Variants in ANKRD36 observed in about 807,000 individuals in gnomAD.
ANKRD36 encodes the protein ankyrin repeat domain 36.
ANKRD36 carries 179 observed loss-of-function variants against 278.1 expected under a neutral mutation model. That is an observed-to-expected ratio of 0.64 (90% CI 0.57 to 0.73). The LOEUF (loss-of-function observed/expected upper bound fraction) is 0.73. Ranked by LOEUF, ANKRD36 falls within the 30% of genes least tolerant of loss-of-function variation. The pLI is 0.00. For synonymous variants in ANKRD36, 320 were observed against 641.1 expected, an observed-to-expected ratio of 0.50 and a Z score of 7.57; for missense variants, 1,159 against 1,956.7, an observed-to-expected ratio of 0.59 and a Z score of 7.69.
intron 24 of ANKRD36, among the ~76,000 whole-genome samples, chr2:97,181,232 A>C (rs2056114454): frequency 6.6e-6 from 1 of 151,678 alleles, no homozygotes; most frequent in Non-Finnish European, 1.5e-5. Flanking sequence ...GATTTCTTGC[A>C]AGAAAGACAT....
intron 67 of ANKRD36, among the ~76,000 whole-genome samples, chr2:97,225,463 T>A (rs1434794414): frequency 6.6e-6 from 1 of 152,046 alleles, no homozygotes; most frequent in Non-Finnish European, 1.5e-5. Flanking sequence ...CTGCCTAATG[T>A]ATTTCAATAT....
intron 22 of ANKRD36, among the ~76,000 whole-genome samples, chr2:97,168,405 AC>A (rs201609756): frequency 4.2e-3 from 635 of 152,090 alleles, no homozygotes; most frequent in African/African-American, 0.014. Flanking sequence ...AGTCTTTGAT[AC>A]TACTACAATT....
At chr2:97,202,821 T>C (rs1488052473) in intron 48 of ANKRD36, among the ~76,000 whole-genome samples, 1 of 151,830 alleles carries the variant, frequency 6.6e-6, no homozygotes, top group East Asian at 1.9e-4. Context: ...AGACCCTTGT[T>C]GTAGCAATCA....
intron 11 of ANKRD36, among the ~76,000 whole-genome samples, chr2:97,147,625 A>C (rs538302506): frequency 6.7e-6 from 1 of 149,090 alleles, no homozygotes; most frequent in African/African-American, 2.5e-5. Flanking sequence ...CTTCTTTTAC[A>C]TCATTCTGTC....
At position 97,152,566 on chromosome 2, in the gene ANKRD36, G is replaced by A. The variant is rs1221167960; in HGVS notation, c.1193+32G>A. On this transcript the variant is annotated intron_variant, in intron 14 of 75. Coordinates refer to ENST00000420699, the MANE Select transcript of ANKRD36 (RefSeq NM_001354587.1). ...TTTCAGAGATTTTTTAAAGTGATAT[G>A]TTAACTAAGTGAATAGAGAGAAGAG... 36 of 1,452,238 alleles carry A rather than the reference G, an allele frequency of 2.5e-5. 2 individuals are homozygous for A. Among genetic ancestry groups the A allele is most frequent in the Non-Finnish European group, 3.4e-5 (36 of 1,074,502 alleles). 90.0% of individuals were successfully genotyped at this position (1,452,238 alleles called of 1,614,324 possible).
intron 6 of ANKRD36, among the ~76,000 whole-genome samples, chr2:97,131,898 G>A (rs901861693): frequency 6.6e-6 from 1 of 151,576 alleles, no homozygotes. Flanking sequence ...GCACGATCTC[G>A]GCTCACTGCA....
chr2:97,211,452 T>A (rs2153629105), intron 56 of ANKRD36, 94 bp from the exon 57 acceptor site: 3 of 1,539,534 alleles, frequency 1.9e-6, no homozygotes, highest in Non-Finnish European at 1.8e-6. Flanking sequence ...TAATACAGGC[T>A]GGGGGACAGA....
At chr2:97,198,742 G>C in intron 44 of ANKRD36, 84 bp downstream of exon 44, 5 of 1,350,508 alleles carry the variant, frequency 3.7e-6, no homozygotes, top group Middle Eastern at 5.3e-4. Context: ...CGGGGGGCTC[G>C]TTGAAGCTGC....
intron 58 of ANKRD36, 64 bp downstream of exon 58, chr2:97,211,805 A>G: frequency 6.7e-7 from 1 of 1,492,964 alleles, no homozygotes; most frequent in Non-Finnish European, 9.1e-7. Context: ...CTCTTCACCA[A>G]ATAAAACAGC....
chr2:97,206,066 A>G lies in ANKRD36; in HGVS notation c.3094A>G (p.Thr1032Ala), dbSNP rs1424046247. 9 of 1,550,882 alleles carry G rather than the reference A, an allele frequency of 5.8e-6. No individual in the cohort carries two copies. Among genetic ancestry groups the G allele is most frequent in the East Asian group, 2.4e-5 (1 of 41,572 alleles). ...SSQKPPTLKA[T>A]SDEEDSVLSI... ...TTTTGTTTCAAATTCCATTCAGGCT[A>G]CAAGTGATGAGGAAGATTCTGTTTT... The change falls in exon 52 of 76, where the codon ACA (threonine) becomes GCA (alanine). Residue 1032 changes from threonine (T) to alanine (A), a missense_variant. Coordinates refer to ENST00000420699, the MANE Select transcript of ANKRD36 (RefSeq NM_001354587.1).
chr2:97,181,121 G>A (rs1381266927), intron 24 of ANKRD36, among the ~76,000 whole-genome samples: 1 of 151,656 alleles, frequency 6.6e-6, no homozygotes, highest in African/African-American at 2.4e-5. Context: ...GATGTGAAGA[G>A]AACATTTAAC....
chr2:97,219,856 A>G (rs1367202825), intron 66 of ANKRD36, among the ~76,000 whole-genome samples: 1 of 144,958 alleles, frequency 6.9e-6, no homozygotes, highest in African/African-American at 2.7e-5. Context: ...TGGAATTTCA[A>G]TAGTTTTTAG....
intron 18 of ANKRD36, among the ~76,000 whole-genome samples, chr2:97,163,039 G>A (rs1230093472): frequency 1.3e-5 from 2 of 151,676 alleles, no homozygotes; most frequent in Non-Finnish European, 1.5e-5. Context: ...AGGCTGAGGC[G>A]GGAGGATCAT....
At chr2:97,173,751 G>C (rs199874304) in intron 22 of ANKRD36, among the ~76,000 whole-genome samples, 2 of 151,688 alleles carry the variant, frequency 1.3e-5, no homozygotes, top group African/African-American at 2.4e-5. Context: ...GTGGGAAGTC[G>C]CTTAATGGAA....
Position 97,196,718 on chromosome 2 carries a change from T to A in ANKRD36, c.2583T>A (p.Gly861=). 3 of 1,564,118 alleles carry A rather than the reference T, an allele frequency of 1.9e-6. No homozygotes were observed. Among genetic ancestry groups the A allele is most frequent in the Non-Finnish European group, 2.6e-6 (3 of 1,157,836 alleles). ...ATTTCGTTTCAAATTCCATTCAGGG[T>A]ACAAGTGACGAGGAAGATTCTGTTT... ...VSSQKPPTLK[G]TSDEEDSVLG... The change falls in exon 42 of 76, where the codon GGT becomes GGA. Residue 861 remains glycine (G), a splice_region_variant and synonymous_variant. Coordinates refer to ENST00000420699, the MANE Select transcript of ANKRD36 (RefSeq NM_001354587.1).
intron 22 of ANKRD36, among the ~76,000 whole-genome samples, chr2:97,173,704 T>C (rs1393054781): frequency 6.6e-6 from 1 of 151,624 alleles, no homozygotes; most frequent in Non-Finnish European, 1.5e-5. Context: ...AGAAAGCAGC[T>C]AGTGAGGTAA....
chr2:97,120,403 G>T, intron 3 of ANKRD36, among the ~76,000 whole-genome samples: 1 of 128,400 alleles, frequency 7.8e-6, no homozygotes, highest in Non-Finnish European at 1.8e-5. Context: ...AATACATATA[G>T]GTCATTATTA....
intron 22 of ANKRD36, among the ~76,000 whole-genome samples, chr2:97,175,466 T>C (rs969548864): frequency 2.6e-5 from 4 of 151,976 alleles, no homozygotes; most frequent in African/African-American, 9.7e-5. Flanking sequence ...GGATCGGTGG[T>C]GATATCCCCT....
intron 1 of ANKRD36, among the ~76,000 whole-genome samples, chr2:97,115,310 G>C (rs2034952181): frequency 6.6e-6 from 1 of 151,860 alleles, no homozygotes; most frequent in African/African-American, 2.4e-5. Flanking sequence ...CACAAAATAA[G>C]AAAGATAACA....
Sources: gnomAD v4.1 joint callset for allele counts (sites outside exome capture counted in the v4.1 genomes callset) on GRCh38, gnomAD v4.1.1 for gene constraint, MANE v1.5 for transcripts, NCBI Gene and HGNC (gene_info 2026-07-23, HGNC 2026-07-21) for gene names.